ABI2: variants seen among roughly 807,000 people sequenced by gnomAD.
ABI2 encodes abl interactor 2, also known as abelson interactor 2.
A neutral mutation model predicts 59.2 loss-of-function variants in ABI2; 25 were observed. The ratio of observed to expected loss-of-function variants is 0.42; its 90% CI spans 0.31 to 0.59. The LOEUF (loss-of-function observed/expected upper bound fraction) is 0.59, where lower values mean the gene tolerates loss of function less well. Among genes scored for constraint, ABI2 ranks in the 20% least tolerant of loss-of-function variants. The probability of loss-of-function intolerance (pLI) is 0.14; values close to 1 mark genes in which losing one functional copy is unlikely to be tolerated. For missense variants in ABI2, 545 were observed against 681.8 expected, an observed-to-expected ratio of 0.80 and a Z score of 2.23; for synonymous variants, 213 against 235.5, an observed-to-expected ratio of 0.90 and a Z score of 0.87.
chr2:203,430,686 G>A lies in ABI2; in HGVS notation c.*3334G>A, dbSNP rs979644082. 6.6e-6 allele frequency: 1 copy of A among 152,136 alleles called. No homozygotes were observed. Among genetic ancestry groups the A allele is most frequent in the African/African-American group, 2.4e-5 (1 of 41,422 alleles). 9.4% of individuals were successfully genotyped at this position (152,136 alleles called of 1,614,324 possible). A position where few individuals can be genotyped will look rare whatever the true frequency, so the allele number is the denominator to read the frequency against. The stretch of plus-strand genomic sequence containing the variant: ...CTGTTCCCATTTTAGAGTTGACAGT[G>A]GCCTGCTAATTTTGCTATGTTCCTA... On this transcript the variant is annotated 3_prime_UTR_variant, in exon 12 of 12. Transcript: ENST00000261018.
rs767424735 is a variant in ABI2 at position 203,394,779 on chromosome 2, A to G, written c.658A>G (p.Asn220Asp). 1 of 1,614,134 alleles carries G rather than the reference A, an allele frequency of 6.2e-7. No homozygotes were observed. Among genetic ancestry groups the G allele is most frequent in the Non-Finnish European group, 8.5e-7 (1 of 1,180,010 alleles). The change falls in exon 6 of 12, where the codon AAT (asparagine) becomes GAT (aspartate). Residue 220 changes from asparagine (N) to aspartate (D), a missense_variant. Physicochemically the swap from Asn to Asp is conservative, Grantham distance 23. This residue lies in a region of ABI2 where 410 missense variants were observed against 435.6 expected (regional missense o/e 0.94). Transcript: ENST00000261018. ...TGATTACGTACCTAGCCCAACCCGT[A>G]ATATGGCTCCCTCGCAGCAGAGCCC... is the stretch of plus-strand genomic sequence containing the variant. ...PNDYVPSPTR[N>D]MAPSQQSPVR...
chr2:203,368,984 A>AT (rs71007508), intron 2 of ABI2, among the ~76,000 whole-genome samples: 2 of 91,082 alleles, frequency 2.2e-5, no homozygotes, highest in African/African-American at 8.9e-5. Context: ...TGCTTGGCTG[A>AT]TTTTTTTTTT....
chr2:203,376,043 A>G, intron 2 of ABI2: 2 of 1,512,750 alleles, frequency 1.3e-6, no homozygotes, highest in Admixed American at 2.0e-5. Flanking sequence ...TTTACTTAAA[A>G]TATCTATACT....
chr2:203,354,307 G>T (rs1392833798), intron 1 of ABI2, among the ~76,000 whole-genome samples: 1 of 152,176 alleles, frequency 6.6e-6, no homozygotes, highest in Non-Finnish European at 1.5e-5. Context: ...GCCTCCCAAA[G>T]TGCTGGGATT....
At chr2:203,414,219 A>C (rs2097793721) in intron 10 of ABI2, among the ~76,000 whole-genome samples, 1 of 150,264 alleles carries the variant, frequency 6.7e-6, no homozygotes, top group African/African-American at 2.5e-5. Flanking sequence ...CTCATGCCTC[A>C]GCCTCGTGAG....
At chr2:203,418,744 G>T (rs1298607443) in intron 11 of ABI2, among the ~76,000 whole-genome samples, 1 of 152,212 alleles carries the variant, frequency 6.6e-6, no homozygotes, top group East Asian at 1.9e-4. Context: ...AAGGGGTAGG[G>T]ATTACATAAA....
Position 203,432,113 on chromosome 2 carries a change from T to G in ABI2, c.*4761T>G, listed in dbSNP as rs551257694. Reference sequence around the variant, plus strand: ...ATCACTTTTTAATTTTTTAATTGTATTTGGAATTGTTGCCGTGTACTAAGA... The same window carrying G: ...ATCACTTTTTAATTTTTTAATTGTAGTTGGAATTGTTGCCGTGTACTAAGA... On this transcript the variant is annotated 3_prime_UTR_variant, in exon 12 of 12. Coordinates refer to ENST00000261018, the MANE Select transcript of ABI2 (RefSeq NM_001375670.1). 1 of 152,196 alleles carries G rather than the reference T, an allele frequency of 6.6e-6. No homozygotes were observed. Among genetic ancestry groups the G allele is most frequent in the Admixed American group, 6.5e-5 (1 of 15,282 alleles). 9.4% of individuals were successfully genotyped at this position (152,196 alleles called of 1,614,324 possible).
intron 2 of ABI2, among the ~76,000 whole-genome samples, chr2:203,379,114 A>G (rs2095922463): frequency 6.6e-6 from 1 of 152,332 alleles, no homozygotes; most frequent in South Asian, 2.1e-4. Context: ...TGTAATTACA[A>G]TACATTCTTA....
intron 10 of ABI2, among the ~76,000 whole-genome samples, chr2:203,413,035 T>C (rs2097745045): frequency 6.6e-6 from 1 of 152,212 alleles, no homozygotes; most frequent in South Asian, 2.1e-4. Flanking sequence ...ACTTGAATAA[T>C]ACCCTGGGAG....
chr2:203,363,711 A>T (rs867114431), intron 1 of ABI2, among the ~76,000 whole-genome samples: 1 of 152,088 alleles, frequency 6.6e-6, no homozygotes. Context: ...ACTGAATCTC[A>T]TTATTTTTTA....
intron 11 of ABI2, among the ~76,000 whole-genome samples, chr2:203,422,666 A>G (rs576804075): frequency 3.1e-4 from 47 of 152,320 alleles, no homozygotes; most frequent in African/African-American, 1.1e-3. Context: ...TAGACAAAGA[A>G]CTGAGAAGAG....
chr2:203,394,583 G>A (rs1323802547), intron 5 of ABI2, 117 bp from the exon 6 acceptor site: 3 of 1,045,926 alleles, frequency 2.9e-6, no homozygotes, highest in Non-Finnish European at 4.2e-6. Context: ...GCTGGGTTAT[G>A]TTAAAACACA....
Position 203,430,703 on chromosome 2 carries a change from A to G in ABI2, c.*3351A>G, listed in dbSNP as rs1359284268. ...TTGACAGTGGCCTGCTAATTTTGCT[A>G]TGTTCCTAAAAGTTACTGGGTGTGA... On this transcript the variant is annotated 3_prime_UTR_variant, in exon 12 of 12. Coordinates refer to ENST00000261018, the MANE Select transcript of ABI2 (RefSeq NM_001375670.1). 1.3e-5 allele frequency: 2 copies of G among 151,690 alleles called. No homozygotes were observed. Among genetic ancestry groups the G allele is most frequent in the African/African-American group, 4.8e-5 (2 of 41,404 alleles). 9.4% of individuals were successfully genotyped at this position (151,690 alleles called of 1,614,324 possible).
Position 203,402,713 on chromosome 2 carries a change from C to A in ABI2, c.1171C>A (p.Pro391Thr). The A allele has an allele frequency of 6.3e-7, 1 of 1,594,520 alleles. No individual in the cohort carries two copies. Among genetic ancestry groups the A allele is most frequent in the African/African-American group, 1.4e-5 (1 of 73,772 alleles). ...CCTTCAGAATCAGATGAATGGAGGA[C>A]CTTTTTATAGCCAGAATCCAGGTTA... ...TSLQNQMNGG[P>T]FYSQNPVSLA... Residue 391 changes from proline to threonine, a missense_variant, in exon 9 of 12, where the codon CCT (proline) becomes ACT (threonine). Physicochemically the swap from Pro to Thr is conservative, Grantham distance 38 (BLOSUM62 -1). This residue lies in a region of ABI2 where 410 missense variants were observed against 435.6 expected (regional missense o/e 0.94). Coordinates refer to ENST00000261018, the MANE Select transcript of ABI2 (RefSeq NM_001375670.1).
chr2:203,365,749 C>T (rs1228568333), intron 1 of ABI2, among the ~76,000 whole-genome samples: 1 of 151,190 alleles, frequency 6.6e-6, no homozygotes, highest in Non-Finnish European at 1.5e-5. Flanking sequence ...CCTACCTCAG[C>T]CTCCTGAGTA....
At chr2:203,406,546 C>T (rs1049333776) in intron 9 of ABI2, among the ~76,000 whole-genome samples, 2 of 152,128 alleles carry the variant, frequency 1.3e-5, no homozygotes, top group Non-Finnish European at 2.9e-5. Context: ...AAATAAAAAG[C>T]CATTTCACAT....
At chr2:203,365,477 G>A (rs1432361552) in intron 1 of ABI2, among the ~76,000 whole-genome samples, 1 of 152,016 alleles carries the variant, frequency 6.6e-6, no homozygotes, top group Non-Finnish European at 1.5e-5. Flanking sequence ...AGCTACAAAT[G>A]TAGCAGAACT....
intron 1 of ABI2, among the ~76,000 whole-genome samples, chr2:203,351,243 G>A (rs1000150120): frequency 9.2e-5 from 14 of 152,018 alleles, no homozygotes; most frequent in African/African-American, 3.4e-4. Context: ...TTTTATTACT[G>A]TACTTTTATA....
At chr2:203,404,582 A>G (rs2097351257) in intron 9 of ABI2, among the ~76,000 whole-genome samples, 1 of 152,126 alleles carries the variant, frequency 6.6e-6, no homozygotes, top group African/African-American at 2.4e-5. Flanking sequence ...GTTTTGAGAC[A>G]AAGTCTTGCT....
Sources: gnomAD v4.1 joint callset for allele counts (sites outside exome capture counted in the v4.1 genomes callset) on GRCh38, gnomAD v4.1.1 for gene constraint, gnomAD v4.1.1 regional missense constraint, MANE v1.5 for transcripts, NCBI Gene and HGNC (gene_info 2026-07-23, HGNC 2026-07-21) for gene names.